Variants in NAGA observed in about 807,000 individuals in gnomAD.
NAGA encodes alpha-N-acetylgalactosaminidase.
In NAGA, 42 loss-of-function variants were observed where a neutral mutation model predicts 45.6. The ratio of observed to expected loss-of-function variants is 0.92; its 90% CI spans 0.72 to 1.19. The LOEUF (loss-of-function observed/expected upper bound fraction) is 1.19. NAGA is among the 50% of genes most tolerant of loss of function. The pLI is 0.00. For synonymous variants in NAGA, 176 were observed against 203.1 expected (o/e 0.87, Z 1.13); for missense variants, 493 against 544.8 (o/e 0.90, Z 0.95).
rs1926992191 is a variant in NAGA at position 42,070,566 on chromosome 22, A to G, written c.-269T>C. 1.7e-6 allele frequency: 1 copy of G among 582,700 alleles called. No homozygotes were observed. Among genetic ancestry groups the G allele is most frequent in the East Asian group, 2.9e-5 (1 of 34,254 alleles). 36.1% of individuals were successfully genotyped at this position (582,700 alleles called of 1,614,324 possible). A position where few individuals can be genotyped will look rare whatever the true frequency, so the allele number is the denominator to read the frequency against. ...GGATGTCAGACCTCACACCCTCTGC[A>G]GTGCTGGGAGTCCCGAGGGCCTACG... On this transcript the variant is annotated 5_prime_UTR_variant, in exon 1 of 9. Transcript: ENST00000396398.
At chr22:42,065,631 A>G in intron 6 of NAGA, 107 bp downstream of exon 6, 2 of 1,474,362 alleles carry the variant, frequency 1.4e-6, no homozygotes, top group South Asian at 2.3e-5. Context: ...AGAAGCGCTG[A>G]CCTAGAACCC....
At chr22:42,066,668 G>C (rs753909598) in intron 5 of NAGA, 42 bp downstream of exon 5, 1 of 1,539,980 alleles carries the variant, frequency 6.5e-7, no homozygotes, top group Non-Finnish European at 8.8e-7. Flanking sequence ...AAGGAGGCCT[G>C]GGTGTGGGAA....
In NAGA at chr22:42,063,024, G is replaced by A; in HGVS notation, c.760C>T (p.Leu254=). ...GPGHWNDPDM[L]LIGNFGLSLE... is the part of the protein sequence containing the mutation. ...CTGAGACCAAAGTTCCCAATGAGCAGCTGGGGGCAGAGAAGAGGAGTAGTC... is the reference window on the plus strand; with the variant it reads ...CTGAGACCAAAGTTCCCAATGAGCAACTGGGGGCAGAGAAGAGGAGTAGTC... Residue 254 remains leucine (L), a splice_region_variant and synonymous_variant, in exon 7 of 9, where the codon CTG becomes TTG. Coordinates refer to ENST00000396398, the MANE Select transcript of NAGA (RefSeq NM_000262.3). The A allele has an allele frequency of 6.2e-7, 1 of 1,614,000 alleles. No homozygotes were observed. The highest frequency in any genetic ancestry group is 8.5e-7 in the Non-Finnish European group (1 of 1,179,960).
At position 42,070,708 on chromosome 22, in the gene NAGA, T is replaced by C. The variant is rs1927002126; in HGVS notation, c.-411A>G. 3.0e-6 allele frequency: 1 copy of C among 332,220 alleles called. No individual in the cohort carries two copies. The highest frequency in any genetic ancestry group is 2.8e-5 in the South Asian group (1 of 36,276). 20.6% of individuals were successfully genotyped at this position (332,220 alleles called of 1,614,324 possible). A position where few individuals can be genotyped will look rare whatever the true frequency, so the allele number is the denominator to read the frequency against. Reference sequence around the variant, plus strand: ...TCCGGACTTCCAGCCGGGTCCGGGTTCCCGCCCTGGGCTCCCCAAAACCGC... The same window carrying C: ...TCCGGACTTCCAGCCGGGTCCGGGTCCCCGCCCTGGGCTCCCCAAAACCGC... On this transcript the variant is annotated 5_prime_UTR_variant, in exon 1 of 9. Coordinates refer to ENST00000396398, the MANE Select transcript of NAGA (RefSeq NM_000262.3).
chr22:42,060,606 G>A (rs868569464), intron 8 of NAGA, among the ~76,000 whole-genome samples, 193 bp from the exon 9 acceptor site: 2 of 152,198 alleles, frequency 1.3e-5, no homozygotes, highest in South Asian at 2.1e-4. Context: ...GCCCAAGCAC[G>A]GGCAGTGGAG....
chr22:42,058,542 G>A lies in NAGA; in HGVS notation c.*1737C>T, dbSNP rs1321628427. 1 of 152,138 alleles carries A rather than the reference G, an allele frequency of 6.6e-6. No homozygotes were observed. Among genetic ancestry groups the A allele is most frequent in the Non-Finnish European group, 1.5e-5 (1 of 68,026 alleles). The allele number at this position is 152,138 out of a possible 1,614,324, so 9.4% of individuals were successfully genotyped here. The stretch of plus-strand genomic sequence containing the variant: ...TGGCCTTGAATAGAAGGGAATAAAT[G>A]TCCTGGGAGATAGATGGCATGTTTG... On this transcript the variant is annotated 3_prime_UTR_variant, in exon 9 of 9. Coordinates refer to ENST00000396398, the MANE Select transcript of NAGA (RefSeq NM_000262.3).
At position 42,068,453 on chromosome 22, in the gene NAGA, T is replaced by G; in HGVS notation, c.138A>C (p.Pro46=). Residue 46 remains proline, a synonymous_variant, in exon 2 of 9, where the codon CCA becomes CCC. Coordinates refer to ENST00000396398, the MANE Select transcript of NAGA (RefSeq NM_000262.3). ...ACCTTACTCACCTTATGCAGTTCTTTGGGTCCTCATCACAGTTAATGTTGC... is the reference window on the plus strand; with the variant it reads ...ACCTTACTCACCTTATGCAGTTCTTGGGGTCCTCATCACAGTTAATGTTGC... ...FRCNINCDED[P]KNCISEQLFM... 1 of 1,614,164 alleles carries G rather than the reference T, an allele frequency of 6.2e-7. No homozygotes were observed. The highest frequency in any genetic ancestry group is 8.5e-7 in the Non-Finnish European group (1 of 1,180,038).
intron 6 of NAGA, 52 bp downstream of exon 6, chr22:42,065,686 G>A (rs1926680311): frequency 1.9e-6 from 3 of 1,609,144 alleles, no homozygotes; most frequent in African/African-American, 1.3e-5. Flanking sequence ...GCAGTGGGGA[G>A]CAGGGTCGTC....
chr22:42,069,448 C>G (rs1926924663), intron 1 of NAGA, among the ~76,000 whole-genome samples: 1 of 151,774 alleles, frequency 6.6e-6, no homozygotes, highest in Non-Finnish European at 1.5e-5. Flanking sequence ...AACCCTGTCT[C>G]TACTAAAACT....
chr22:42,070,301 T>C lies in NAGA; in HGVS notation c.-4A>G. On this transcript the variant is annotated 5_prime_UTR_variant, in exon 1 of 9. Transcript: ENST00000396398. ...AGGTACCTGTCTTCAGCAGCATCGC[T>C]CTGGACTCAGCTTCCGAGGACCTGA... 6.2e-7 allele frequency: 1 copy of C among 1,614,182 alleles called. No individual in the cohort carries two copies. Among genetic ancestry groups the C allele is most frequent in the Non-Finnish European group, 8.5e-7 (1 of 1,180,030 alleles).
rs1159486442 is a variant in NAGA, at chr22:42,059,397, G to A, written c.*882C>T. ...GAATATGAACCTCCTTTGCAGCCAG[G>A]TTGGGAGAGAAATAAAGGAAAAGAA... On this transcript the variant is annotated 3_prime_UTR_variant, in exon 9 of 9. Transcript: ENST00000396398. The A allele has an allele frequency of 1.3e-5, 2 of 152,620 alleles. No homozygotes were observed. Among genetic ancestry groups the A allele is most frequent in the African/African-American group, 4.8e-5 (2 of 41,468 alleles). The allele number at this position is 152,620 out of a possible 1,614,324, so 9.5% of individuals were successfully genotyped here.
chr22:42,065,958 C>T (rs544056627), intron 5 of NAGA, 59 bp from the exon 6 acceptor site: 10 of 1,592,060 alleles, frequency 6.3e-6, no homozygotes, highest in Non-Finnish European at 8.6e-6. Context: ...AGCCCAGGGA[C>T]CCACACAGGA....
chr22:42,060,118 A>G lies in NAGA; in HGVS notation c.*161T>C, dbSNP rs150991002. ...TTTCCAAGAGGGTTTACGCTTGGAC[A>G]GGGCATAGAACCTGGCCGTGAGATT... On this transcript the variant is annotated 3_prime_UTR_variant, in exon 9 of 9. Coordinates refer to ENST00000396398, the MANE Select transcript of NAGA (RefSeq NM_000262.3). 1,545 of 927,426 alleles carry G rather than the reference A, an allele frequency of 1.7e-3. 14 individuals are homozygous for G. In the African/African-American group the frequency reaches 0.019, roughly 11 times the overall value. 57.4% of individuals were successfully genotyped at this position (927,426 alleles called of 1,614,324 possible).
Position 42,060,117 on chromosome 22 carries a change from C to A in NAGA, c.*162G>T. The A allele has an allele frequency of 2.2e-6, 2 of 926,832 alleles. No individual in the cohort carries two copies. The allele number at this position is 926,832 out of a possible 1,614,324, so 57.4% of individuals were successfully genotyped here. A position where few individuals can be genotyped will look rare whatever the true frequency, so the allele number is the denominator to read the frequency against. On this transcript the variant is annotated 3_prime_UTR_variant, in exon 9 of 9. Coordinates refer to ENST00000396398, the MANE Select transcript of NAGA (RefSeq NM_000262.3). ...GTTTCCAAGAGGGTTTACGCTTGGA[C>A]AGGGCATAGAACCTGGCCGTGAGAT...
intron 7 of NAGA, among the ~76,000 whole-genome samples, chr22:42,061,381 C>T (rs1036487039): frequency 5.9e-5 from 9 of 152,220 alleles, no homozygotes; most frequent in Admixed American, 1.3e-4. Flanking sequence ...AACAGGGAAG[C>T]GCAACAACAG....
intron 7 of NAGA, among the ~76,000 whole-genome samples, chr22:42,062,592 C>G (rs998949097): frequency 6.6e-6 from 1 of 152,212 alleles, no homozygotes; most frequent in Non-Finnish European, 1.5e-5. Flanking sequence ...CACCTCTCAT[C>G]CCCGACTCCC....
In NAGA at chr22:42,061,000, C is replaced by A. The variant is rs1926346466; in HGVS notation, c.1025G>T (p.Ser342Ile). 2 of 1,614,092 alleles carry A rather than the reference C, an allele frequency of 1.2e-6. No individual in the cohort carries two copies. The highest frequency in any genetic ancestry group is 1.7e-6 in the Non-Finnish European group (2 of 1,180,042). ...SNKASALVFF[S>I]CRTDMPYRYH... is the part of the protein sequence containing the mutation. ...GCGATAAGGCATATCGGTCCTGCAG[C>A]TGAAGAAGACTAAGGCGCTAGCCTT... is the stretch of plus-strand genomic sequence containing the variant. Residue 342 changes from serine to isoleucine, a missense_variant, in exon 8 of 9, where the codon AGC becomes ATC. Physicochemically the swap from Ser to Ile is moderately radical, Grantham distance 142. Transcript: ENST00000396398.
chr22:42,060,320 A>G lies in NAGA; in HGVS notation c.1195T>C (p.Tyr399His), dbSNP rs1220985247. The change falls in exon 9 of 9, where the codon TAC becomes CAC. Residue 399 changes from tyrosine (Y) to histidine (H), a missense_variant. By Grantham distance (83) the Tyr-to-His change is moderately conservative. Coordinates refer to ENST00000396398, the MANE Select transcript of NAGA (RefSeq NM_000262.3). ...TCCAGGTTCTTGATGGGATACAGGT[A>G]CCACATCACTACCCCTGAAGGGTTG... ...IINPSGVVMW[Y>H]LYPIKNLEMS... 3 of 1,613,178 alleles carry G rather than the reference A, an allele frequency of 1.9e-6. No individual in the cohort carries two copies. The Admixed American group carries it at 5.0e-5, about 27-fold the overall frequency.
intron 7 of NAGA, 134 bp from the exon 8 acceptor site, chr22:42,061,201 G>A (rs997765302): frequency 2.1e-5 from 24 of 1,134,568 alleles, no homozygotes; most frequent in Middle Eastern, 2.7e-4. Flanking sequence ...AGGATGCCAC[G>A]GGCCTCCAGC....
Sources: gnomAD v4.1 joint callset for allele counts (sites outside exome capture counted in the v4.1 genomes callset) on GRCh38, gnomAD v4.1.1 for gene constraint, MANE v1.5 for transcripts, NCBI Gene and HGNC (gene_info 2026-07-23, HGNC 2026-07-21) for gene names.